Variants in KLHL20 observed in about 807,000 individuals in gnomAD.
The protein encoded by KLHL20 is kelch like family member 20, also known as kelch-like protein 20.
KLHL20 carries 29 observed loss-of-function variants against 69.5 expected under a neutral mutation model. The observed-to-expected ratio is 0.42, with a 90% CI of 0.31 to 0.57. The LOEUF (loss-of-function observed/expected upper bound fraction) is 0.57. Ranked by LOEUF, KLHL20 falls within the 20% of genes least tolerant of loss-of-function variation. The pLI is 0.18. For missense variants in KLHL20, 419 were observed against 776.0 expected, an observed-to-expected ratio of 0.54 and a Z score of 5.47; for synonymous variants, 253 against 265.2, an observed-to-expected ratio of 0.95 and a Z score of 0.45.
intron 2 of KLHL20, among the ~76,000 whole-genome samples, chr1:173,722,760 G>A (rs1671772339): frequency 6.7e-6 from 1 of 149,992 alleles, no homozygotes; most frequent in South Asian, 2.1e-4. Context: ...CACAATCTTG[G>A]TTCACCGCAA....
rs1026165544 is a variant in KLHL20 at position 173,744,609 on chromosome 1, A to G, written c.598-7155A>G. On this transcript the variant is annotated intron_variant, in intron 3 of 11. Coordinates refer to ENST00000209884, the MANE Select transcript of KLHL20 (RefSeq NM_014458.4). ...TACACATATTTTTTCTAGCATGTAA[A>G]TGGTCTTAGTTTATCTTTGTGTATG... Among the ~76,000 whole-genome samples the G allele has an allele frequency of 2.0e-5, 3 of 152,274 alleles. No individual in the cohort carries two copies. In the East Asian group the frequency reaches 5.8e-4, roughly 29 times the overall value.
intron 2 of KLHL20, among the ~76,000 whole-genome samples, chr1:173,727,264 C>G (rs1162202168): frequency 4.0e-5 from 6 of 151,798 alleles, no homozygotes; most frequent in African/African-American, 1.5e-4. Context: ...AAGACCAAAT[C>G]TACGTCTGAT....
chr1:173,764,779 T>C (rs985436273), intron 7 of KLHL20, among the ~76,000 whole-genome samples: 1 of 152,104 alleles, frequency 6.6e-6, no homozygotes, highest in African/African-American at 2.4e-5. Context: ...GTGCCATGTA[T>C]ACTGATGCAT....
intron 2 of KLHL20, among the ~76,000 whole-genome samples, chr1:173,719,007 A>G (rs1434578605): frequency 2.0e-5 from 3 of 148,198 alleles, no homozygotes; most frequent in Non-Finnish European, 4.4e-5. Context: ...CGGGAGGCTG[A>G]GGCAGGAGAA....
chr1:173,775,573 A>T, intron 9 of KLHL20, 61 bp from the exon 10 acceptor site: 1 of 1,406,408 alleles, frequency 7.1e-7, no homozygotes, highest in Non-Finnish European at 1.0e-6. Context: ...GGCTATAAAG[A>T]AAACTGGAGG....
intron 2 of KLHL20, among the ~76,000 whole-genome samples, chr1:173,719,119 A>AAAAAAAAAG (rs1193725653): frequency 1.3e-5 from 2 of 151,936 alleles, no homozygotes; most frequent in African/African-American, 4.8e-5. Flanking sequence ...AAAAAAAGAA[A>AAAAAAAAAG]AATTATTTTG....
intron 7 of KLHL20, 41 bp from the exon 8 acceptor site, chr1:173,766,104 CT>C: frequency 6.8e-7 from 1 of 1,468,804 alleles, no homozygotes; most frequent in Non-Finnish European, 9.0e-7. Flanking sequence ...GCCAAGCTTC[CT>C]TTGTGTAATA....
chr1:173,747,948 A>G (rs1428131338), intron 3 of KLHL20, among the ~76,000 whole-genome samples: 1 of 151,898 alleles, frequency 6.6e-6, no homozygotes, highest in Non-Finnish European at 1.5e-5. Flanking sequence ...AAAAAAGGAA[A>G]GAAGACACAA....
chr1:173,723,957 A>G (rs1373577495), intron 2 of KLHL20, among the ~76,000 whole-genome samples: 1 of 152,150 alleles, frequency 6.6e-6, no homozygotes, highest in Non-Finnish European at 1.5e-5. Flanking sequence ...AATGATGTTA[A>G]ACATATACTT....
At chr1:173,735,656 A>G (rs993217408) in intron 3 of KLHL20, among the ~76,000 whole-genome samples, 1 of 152,026 alleles carries the variant, frequency 6.6e-6, no homozygotes, top group African/African-American at 2.4e-5. Flanking sequence ...GATTATATGA[A>G]TAAGTTCTTC....
At chr1:173,721,918 G>A (rs1156325556) in intron 2 of KLHL20, among the ~76,000 whole-genome samples, 1 of 152,142 alleles carries the variant, frequency 6.6e-6, no homozygotes, top group Non-Finnish European at 1.5e-5. Context: ...AGGTCAAGTT[G>A]TTAATTTTCA....
intron 2 of KLHL20, among the ~76,000 whole-genome samples, chr1:173,726,627 C>T (rs183279895): frequency 1.3e-5 from 2 of 152,128 alleles, no homozygotes; most frequent in Admixed American, 1.3e-4. Flanking sequence ...CAGCTGATAC[C>T]CTGGCAAACA....
intron 10 of KLHL20, 50 bp from the exon 11 acceptor site, chr1:173,782,074 C>A (rs774478210): frequency 1.6e-6 from 2 of 1,275,186 alleles, no homozygotes; most frequent in Non-Finnish European, 2.3e-6. Context: ...CTATAATTTC[C>A]TTACGATTGT....
chr1:173,765,727 A>G (rs1448203118), intron 7 of KLHL20, among the ~76,000 whole-genome samples: 4 of 152,154 alleles, frequency 2.6e-5, no homozygotes, highest in Non-Finnish European at 4.4e-5. Flanking sequence ...ATAGATCTCA[A>G]AAAACGTTGA....
At chr1:173,740,145 G>A (rs1672731949) in intron 3 of KLHL20, among the ~76,000 whole-genome samples, 1 of 137,066 alleles carries the variant, frequency 7.3e-6, no homozygotes, top group Admixed American at 7.4e-5. Flanking sequence ...TTTTAATGAT[G>A]GAGTCTCGCT....
At chr1:173,736,416 A>G (rs1368576471) in intron 3 of KLHL20, among the ~76,000 whole-genome samples, 1 of 152,086 alleles carries the variant, frequency 6.6e-6, no homozygotes, top group African/African-American at 2.4e-5. Context: ...TCTTTTTCAT[A>G]TAATGACTTC....
chr1:173,755,468 T>G (rs1673510093), intron 5 of KLHL20, among the ~76,000 whole-genome samples: 1 of 152,232 alleles, frequency 6.6e-6, no homozygotes, highest in South Asian at 2.1e-4. Flanking sequence ...ATAGCAAATT[T>G]GTGGCAGTAC....
intron 2 of KLHL20, among the ~76,000 whole-genome samples, chr1:173,727,688 ACAAG>A: frequency 6.6e-6 from 1 of 152,332 alleles, no homozygotes; most frequent in South Asian, 2.1e-4. Flanking sequence ...TCCTTTACAG[ACAAG>A]CAAATGCTGA....
intron 7 of KLHL20, among the ~76,000 whole-genome samples, chr1:173,762,448 A>G (rs535383816): frequency 6.1e-4 from 93 of 152,326 alleles, no homozygotes; most frequent in Non-Finnish European, 1.2e-3. Context: ...ACTACAGACC[A>G]ATATCCTTGA....
Sources: allele counts gnomAD v4.1 joint callset (sites outside exome capture counted in the v4.1 genomes callset), GRCh38; gene constraint gnomAD v4.1.1; transcripts MANE v1.5; gene names NCBI Gene and HGNC (gene_info 2026-07-23, HGNC 2026-07-21).